NAALADL2: variants seen among roughly 807,000 people sequenced by gnomAD.
The protein encoded by NAALADL2 is N-acetylated alpha-linked acidic dipeptidase like 2, also known as inactive N-acetylated-alpha-linked acidic dipeptidase-like protein 2.
In NAALADL2, 76 loss-of-function variants were observed where a neutral mutation model predicts 87.2. The ratio of observed to expected loss-of-function variants is 0.87; its 90% CI spans 0.72 to 1.05. NAALADL2 has a LOEUF of 1.05. NAALADL2 is among the 50% of genes least tolerant of loss of function. The pLI, the probability that NAALADL2 is intolerant of heterozygous loss-of-function variation, is 0.00. For synonymous variants in NAALADL2, 354 were observed against 331.0 expected (o/e 1.07, Z -0.75); for missense variants, 1,089 against 945.8 (o/e 1.15, Z -1.99).
intron 3 of NAALADL2, among the ~76,000 whole-genome samples, chr3:174,785,174 C>T (rs1392735124): frequency 6.6e-6 from 1 of 152,120 alleles, no homozygotes; most frequent in Non-Finnish European, 1.5e-5. Flanking sequence ...CCCTTCCCCT[C>T]CTTCTACTGT....
intron 1 of NAALADL2, among the ~76,000 whole-genome samples, chr3:174,988,566 T>C (rs1746291096): frequency 6.6e-6 from 1 of 152,182 alleles, no homozygotes; most frequent in Non-Finnish European, 1.5e-5. Context: ...TCACTGTTCT[T>C]GAGGGTAGAA....
intron 1 of NAALADL2, among the ~76,000 whole-genome samples, chr3:175,013,303 T>TATATATA (rs1560476455): frequency 2.0e-5 from 2 of 101,084 alleles, no homozygotes; most frequent in Non-Finnish European, 3.8e-5. Context: ...ATATATATAT[T>TATATATA]TTTTTTTTTT....
upstream of NAALADL2, among the ~76,000 whole-genome samples, chr3:174,855,526 C>T (rs1725746531): frequency 6.6e-6 from 1 of 152,124 alleles, no homozygotes; most frequent in Non-Finnish European, 1.5e-5. Flanking sequence ...TACTTTCCCT[C>T]ATCACTTTTC....
chr3:174,735,738 T>G lies in NAALADL2; in HGVS notation c.-114-1903T>G, dbSNP rs1001994125. 2.0e-5 allele frequency among the ~76,000 whole-genome samples: 3 copies of G among 152,254 alleles called. No individual in the cohort carries two copies. The South Asian group carries it at 6.2e-4, about 32-fold the overall frequency. On this transcript the variant is annotated intron_variant, in intron 2 of 3. Transcript: ENST00000434257. ...TCATGCCCAGCTAATTTTTTATTTT[T>G]ATTTCTTGTAGAGATAGGGTCCCAC...
chr3:175,004,376 CAAAAAAAAAAA>C (rs538715061), intron 1 of NAALADL2, among the ~76,000 whole-genome samples: 47 of 33,854 alleles, frequency 1.4e-3, no homozygotes, highest in African/African-American at 2.1e-3. Flanking sequence ...GAGACTATTT[CAAAAAAAAAAA>C]AAAAAAAAAA....
At chr3:174,779,738 C>T (rs569531630) in intron 3 of NAALADL2, among the ~76,000 whole-genome samples, 4 of 152,082 alleles carry the variant, frequency 2.6e-5, no homozygotes, top group Non-Finnish European at 5.9e-5. Context: ...AAATCCTTTC[C>T]CCATTGCTTG....
intron 1 of NAALADL2, among the ~76,000 whole-genome samples, chr3:174,947,900 C>G (rs2108499190): frequency 6.6e-6 from 1 of 152,104 alleles, no homozygotes; most frequent in South Asian, 2.1e-4. Context: ...TTTTGGTAAA[C>G]TTGCTGCCAT....
intron 11 of NAALADL2, among the ~76,000 whole-genome samples, chr3:175,690,900 A>G (rs1406863193): frequency 1.3e-5 from 2 of 152,000 alleles, no homozygotes; most frequent in Non-Finnish European, 2.9e-5. Flanking sequence ...TATTTTCTCC[A>G]TAAAATCTTA....
At chr3:174,694,035 A>G (rs1485676801) in intron 2 of NAALADL2, among the ~76,000 whole-genome samples, 6 of 152,234 alleles carry the variant, frequency 3.9e-5, no homozygotes, top group African/African-American at 1.4e-4. Flanking sequence ...CTTTCTTTCC[A>G]CAAGTCTTAC....
intron 1 of NAALADL2, among the ~76,000 whole-genome samples, chr3:174,476,102 AATG>A (rs1717194144): frequency 6.6e-6 from 1 of 152,170 alleles, no homozygotes; most frequent in East Asian, 1.9e-4. Context: ...ATATCTAATG[AATG>A]AAATAATCAG....
At chr3:174,630,393 T>A (rs905586121) in intron 2 of NAALADL2, among the ~76,000 whole-genome samples, 45 of 152,214 alleles carry the variant, frequency 3.0e-4, no homozygotes, top group African/African-American at 1.0e-3. Context: ...AATGTGAAAA[T>A]TTTTTAAAAG....
intron 4 of NAALADL2, among the ~76,000 whole-genome samples, chr3:175,320,309 T>C (rs559373847): frequency 1.6e-4 from 24 of 152,370 alleles, no homozygotes; most frequent in Admixed American, 4.6e-4. Flanking sequence ...ATCATACTTA[T>C]GTATTGTGTG....
intron 2 of NAALADL2, among the ~76,000 whole-genome samples, chr3:175,172,610 C>T (rs1212305234): frequency 6.6e-6 from 1 of 151,964 alleles, no homozygotes; most frequent in Non-Finnish European, 1.5e-5. Flanking sequence ...CTCACTCTTG[C>T]AAGAAAAGTA....
At chr3:175,765,311 C>T (rs1748547331) in intron 13 of NAALADL2, among the ~76,000 whole-genome samples, 3 of 151,796 alleles carry the variant, frequency 2.0e-5, no homozygotes, top group African/African-American at 7.3e-5. Flanking sequence ...ATTATGTGTC[C>T]CTTTAATATT....
intron 11 of NAALADL2, among the ~76,000 whole-genome samples, chr3:175,679,208 C>T (rs1735257483): frequency 6.6e-6 from 1 of 150,486 alleles, no homozygotes; most frequent in Non-Finnish European, 1.5e-5. Context: ...ACCTGCAGGT[C>T]ACGGGATATG....
At chr3:175,197,567 A>G (rs1445996716) in intron 2 of NAALADL2, among the ~76,000 whole-genome samples, 1 of 152,058 alleles carries the variant, frequency 6.6e-6, no homozygotes, top group Non-Finnish European at 1.5e-5. Flanking sequence ...ATGGTTGAGA[A>G]CTTCGAGGCA....
intron 11 of NAALADL2, among the ~76,000 whole-genome samples, chr3:175,714,339 T>C (rs1052003623): frequency 2.6e-5 from 4 of 152,124 alleles, no homozygotes; most frequent in Admixed American, 2.0e-4. Flanking sequence ...TAATTTATGC[T>C]CCCACCAACA....
intron 13 of NAALADL2, among the ~76,000 whole-genome samples, chr3:175,789,691 A>G (rs1401179957): frequency 2.6e-5 from 4 of 152,284 alleles, no homozygotes; most frequent in Admixed American, 6.5e-5. Context: ...TCCAAAGGGT[A>G]CAGTTAAGAA....
chr3:175,493,555 A>C (rs16825839), intron 9 of NAALADL2, among the ~76,000 whole-genome samples: 6,620 of 152,188 alleles, frequency 0.043, 512 homozygotes, highest in African/African-American at 0.15. Flanking sequence ...TGCCCTGCAC[A>C]ATATTTCTTG....
Sources: allele counts gnomAD v4.1 joint callset (sites outside exome capture counted in the v4.1 genomes callset), GRCh38; gene constraint gnomAD v4.1.1; transcripts MANE v1.5; gene names NCBI Gene and HGNC (gene_info 2026-07-23, HGNC 2026-07-21).